Variants in CRELD1 observed in about 807,000 individuals in gnomAD.
CRELD1 encodes the protein protein disulfide isomerase CRELD1.
In CRELD1, 42 loss-of-function variants were observed where a neutral mutation model predicts 58.2. The observed-to-expected ratio is 0.72, with a 90% CI of 0.56 to 0.93. The LOEUF is 0.93. Ranked by LOEUF, CRELD1 falls within the 40% of genes least tolerant of loss-of-function variation. The pLI is 0.00. For synonymous variants in CRELD1, 222 were observed against 202.0 expected (o/e 1.10, Z -0.84); for missense variants, 500 against 540.6 (o/e 0.92, Z 0.74).
At chr3:9,940,814 A>G (rs927715315) in intron 5 of CRELD1, 36 bp from the exon 6 acceptor site, 1 of 1,560,736 alleles carries the variant, frequency 6.4e-7, no homozygotes, top group African/African-American at 1.4e-5. Flanking sequence ...TCAAGGTTGT[A>G]TAGATGACCT....
At chr3:9,943,211 G>A in intron 9 of CRELD1, 39 bp downstream of exon 9, 1 of 1,595,868 alleles carries the variant, frequency 6.3e-7, no homozygotes, top group Non-Finnish European at 8.6e-7. Context: ...ACCTGGGAGT[G>A]CCTCACCCAG....
intron 5 of CRELD1, 157 bp downstream of exon 5, chr3:9,938,263 C>A: frequency 3.0e-6 from 2 of 670,546 alleles, no homozygotes; most frequent in Non-Finnish European, 5.4e-6. Flanking sequence ...GGGAGATGGG[C>A]AAATCAGTGG....
At chr3:9,941,556 C>T (rs774067916) in intron 7 of CRELD1, among the ~76,000 whole-genome samples, 4 of 151,636 alleles carry the variant, frequency 2.6e-5, no homozygotes, top group Non-Finnish European at 4.4e-5. Context: ...TTTGGGAGGC[C>T]AAGGCGGGCA....
At chr3:9,936,448 TA>T (rs1312486249) in intron 3 of CRELD1, among the ~76,000 whole-genome samples, 1 of 152,002 alleles carries the variant, frequency 6.6e-6, no homozygotes, top group African/African-American at 2.4e-5. Context: ...AGACATCAAA[TA>T]TTTATATATG....
intron 7 of CRELD1, 104 bp from the exon 8 acceptor site, chr3:9,942,708 CT>C: frequency 1.1e-6 from 1 of 903,300 alleles, no homozygotes; most frequent in South Asian, 1.3e-5. Context: ...CTTGCAGTCT[CT>C]GCCATACCAT....
At chr3:9,943,350 A>G in intron 9 of CRELD1, 31 bp from the exon 10 acceptor site, 6 of 1,613,706 alleles carry the variant, frequency 3.7e-6, no homozygotes, top group Non-Finnish European at 5.1e-6. Context: ...GGGGGGCCCT[A>G]GCAGGACTCT....
chr3:9,940,528 C>T (rs951064891), intron 5 of CRELD1, among the ~76,000 whole-genome samples: 1 of 151,642 alleles, frequency 6.6e-6, no homozygotes, highest in Admixed American at 6.6e-5. Flanking sequence ...ACCAGTCAGG[C>T]GTGGTGGCGC....
intron 4 of CRELD1, 146 bp downstream of exon 4, chr3:9,937,818 C>T (rs1359912088): frequency 1.7e-5 from 13 of 775,874 alleles, no homozygotes; most frequent in Middle Eastern, 3.4e-4. Context: ...AAGAACTTGC[C>T]GGGGGACTTG....
intron 10 of CRELD1, 164 bp downstream of exon 10, chr3:9,943,679 G>A (rs757845361): frequency 5.1e-5 from 50 of 985,228 alleles, no homozygotes; most frequent in Non-Finnish European, 5.7e-5. Flanking sequence ...CTCCAGGTTG[G>A]CTCTCAGCAG....
rs200888467 is a variant in CRELD1, at chr3:9,934,422, C to A, written c.-17C>A. ...CTCTCCACGCCCTCTATCTGCAGGTCCCCAGCCTGGGTAAAGATGGCCCCA... is the reference window on the plus strand; with the variant it reads ...CTCTCCACGCCCTCTATCTGCAGGTACCCAGCCTGGGTAAAGATGGCCCCA... On this transcript the variant is annotated splice_region_variant and 5_prime_UTR_variant, in exon 2 of 11. Coordinates refer to ENST00000452070, the MANE Select transcript of CRELD1 (RefSeq NM_001077415.3). 6.2e-7 allele frequency: 1 copy of A among 1,612,626 alleles called. No individual in the cohort carries two copies. The highest frequency in any genetic ancestry group is 1.7e-5 in the Admixed American group (1 of 60,014).
intron 7 of CRELD1, among the ~76,000 whole-genome samples, chr3:9,942,389 C>G (rs2085394284): frequency 6.6e-6 from 1 of 152,042 alleles, no homozygotes; most frequent in South Asian, 2.1e-4. Context: ...ATTCCAGTAC[C>G]CAGATTATTC....
chr3:9,944,311 A>C (rs2085459520), intron 10 of CRELD1, 54 bp from the exon 11 acceptor site: 1 of 1,501,292 alleles, frequency 6.7e-7, no homozygotes, highest in Non-Finnish European at 9.3e-7. Context: ...AGACTCCAAG[A>C]ACTACCAGGA....
In CRELD1 at chr3:9,938,096, C is replaced by T. The variant is rs370830167; in HGVS notation, c.450C>T (p.Pro150=). 22 of 1,613,270 alleles carry T rather than the reference C, an allele frequency of 1.4e-5. No homozygotes were observed. Among genetic ancestry groups the T allele is most frequent in the African/African-American group, 2.7e-5 (2 of 74,900 alleles). Residue 150 remains proline (P), a synonymous_variant, in exon 5 of 11, where the codon CCC becomes CCT. Transcript: ENST00000452070. ...GCTGCCCCGCAGGCACCTTCGGGCCCTCCTGCCTTCGTGAGTTTTTAAGTT... is the reference window on the plus strand; with the variant it reads ...GCTGCCCCGCAGGCACCTTCGGGCCTTCCTGCCTTCGTGAGTTTTTAAGTT... ...KLCCPAGTFG[P]SCLPCPGGTE... is the part of the protein sequence containing the mutation.
chr3:9,939,731 T>G (rs566259453), intron 5 of CRELD1, among the ~76,000 whole-genome samples: 1 of 151,108 alleles, frequency 6.6e-6, no homozygotes, highest in South Asian at 2.1e-4. Flanking sequence ...CGTGTCTACT[T>G]CTTTCTACAC....
chr3:9,942,965 C>T, intron 8 of CRELD1, 69 bp downstream of exon 8: 1 of 1,546,016 alleles, frequency 6.5e-7, no homozygotes, highest in South Asian at 1.1e-5. Context: ...ACCTGTCCCT[C>T]CAAACCTTCC....
rs1048964803 is a variant in CRELD1 at position 9,943,603 on chromosome 3, C to T, written c.1048+88C>T. 45 of 1,599,056 alleles carry T rather than the reference C, an allele frequency of 2.8e-5. 1 individual carries two copies. The South Asian group carries it at 3.0e-4, about 11-fold the overall frequency. The stretch of plus-strand genomic sequence containing the variant: ...CCAGGTAGCAGTGGCAGCTCCAGGC[C>T]CTGCCCCATCCCTACTGCCACCCAG... On this transcript the variant is annotated intron_variant, in intron 10 of 10. Transcript: ENST00000452070.
Position 9,943,415 on chromosome 3 carries a change from A to T in CRELD1, c.948A>T (p.Gly316=), listed in dbSNP as rs1270007143. ...VDECETEVCP[G]ENKQCENTEG... ...AGTGTGAGACAGAGGTGTGTCCGGG[A>T]GAGAACAAGCAGTGTGAAAACACCG... Residue 316 remains glycine (G), a synonymous_variant, in exon 10 of 11, where the codon GGA becomes GGT. Transcript: ENST00000452070. 6.2e-7 allele frequency: 1 copy of T among 1,613,942 alleles called. No homozygotes were observed. The highest frequency in any genetic ancestry group is 1.7e-5 in the Admixed American group (1 of 60,022).
chr3:9,943,281 C>G, intron 9 of CRELD1, 100 bp from the exon 10 acceptor site: 1 of 1,602,636 alleles, frequency 6.2e-7, no homozygotes, highest in Non-Finnish European at 8.5e-7. Flanking sequence ...GGAATGTTGC[C>G]TGGGCAAGGG....
chr3:9,935,000 G>T, intron 3 of CRELD1, 83 bp downstream of exon 3: 1 of 1,183,372 alleles, frequency 8.5e-7, no homozygotes, highest in Non-Finnish European at 1.2e-6. Context: ...GGAACTCTTG[G>T]GGAGCACTTA....
Sources: allele counts gnomAD v4.1 joint callset (sites outside exome capture counted in the v4.1 genomes callset), GRCh38; gene constraint gnomAD v4.1.1; transcripts MANE v1.5; gene names NCBI Gene and HGNC (gene_info 2026-07-23, HGNC 2026-07-21).